SPATA6: variants seen among roughly 807,000 people sequenced by gnomAD.
SPATA6 encodes spermatogenesis-associated protein 6.
In SPATA6, 56 loss-of-function variants were observed where a neutral mutation model predicts 65.3. That is an observed-to-expected ratio of 0.86 (90% CI 0.69 to 1.07). The LOEUF (loss-of-function observed/expected upper bound fraction) is 1.07. Ranked by LOEUF, SPATA6 falls within the 50% of genes least tolerant of loss-of-function variation. SPATA6 has a pLI of 0.00. For synonymous variants in SPATA6, 199 were observed against 213.2 expected (o/e 0.93, Z 0.58); for missense variants, 590 against 594.8 (o/e 0.99, Z 0.08).
At chr1:48,445,392 G>A (rs948120308) in intron 3 of SPATA6, among the ~76,000 whole-genome samples, 10 of 152,126 alleles carry the variant, frequency 6.6e-5, no homozygotes, top group Admixed American at 3.3e-4. Context: ...GGCTGGGCGT[G>A]GTGGCTCACG....
chr1:48,317,439 A>C (rs1645467703), intron 11 of SPATA6, among the ~76,000 whole-genome samples: 1 of 151,578 alleles, frequency 6.6e-6, no homozygotes. Context: ...AAAAAACCAA[A>C]CACCGCATGT....
At chr1:48,401,493 C>T (rs1421980667) in intron 6 of SPATA6, among the ~76,000 whole-genome samples, 1 of 152,048 alleles carries the variant, frequency 6.6e-6, no homozygotes, top group Non-Finnish European at 1.5e-5. Context: ...ATAAAATGGA[C>T]TGACCATGTG....
In SPATA6 at chr1:48,332,701, G is replaced by A. The variant is rs191053386; in HGVS notation, c.1194+22969C>T. Among the ~76,000 whole-genome samples, 3 of 152,256 alleles carry A rather than the reference G, an allele frequency of 2.0e-5. No individual in the cohort carries two copies. In the East Asian group the frequency reaches 5.8e-4, roughly 29 times the overall value. ...AAATTAACGAAGAGATGCAGGACCTGAACTCAACACTTGACGAAATGGAGC... is the reference window on the plus strand; with the variant it reads ...AAATTAACGAAGAGATGCAGGACCTAAACTCAACACTTGACGAAATGGAGC... On this transcript the variant is annotated intron_variant, in intron 11 of 12. Coordinates refer to ENST00000371847, the MANE Select transcript of SPATA6 (RefSeq NM_019073.4).
intron 3 of SPATA6, among the ~76,000 whole-genome samples, chr1:48,420,866 T>C (rs1312653058): frequency 5.3e-5 from 8 of 152,288 alleles, no homozygotes; most frequent in South Asian, 4.1e-4. Flanking sequence ...TGAAAAAGAA[T>C]GAAATCTTAT....
rs1479339654 is a variant in SPATA6, at chr1:48,435,996, AAG to A, written c.238+15554_238+15555del. 4 of 1,606,970 alleles carry A rather than the reference AAG, an allele frequency of 2.5e-6. No individual in the cohort carries two copies. In the African/African-American group the frequency reaches 4.0e-5, roughly 16 times the overall value. On this transcript the variant is annotated intron_variant, in intron 3 of 12. Transcript: ENST00000371847. ...CTCTTTTGGATTGCTTCTGCACTTCAAGAACACAAGATGAATCACTCAGACCT... is the reference window on the plus strand; with the variant it reads ...CTCTTTTGGATTGCTTCTGCACTTCAAACACAAGATGAATCACTCAGACCT...
chr1:48,390,588 G>A (rs1317288019), intron 8 of SPATA6, among the ~76,000 whole-genome samples: 2 of 152,106 alleles, frequency 1.3e-5, no homozygotes, highest in African/African-American at 4.8e-5. Flanking sequence ...ATAAAGAAAT[G>A]ACAAATACAC....
chr1:48,334,830 G>A (rs1199755689), intron 11 of SPATA6, among the ~76,000 whole-genome samples: 2 of 152,072 alleles, frequency 1.3e-5, no homozygotes, highest in African/African-American at 4.8e-5. Flanking sequence ...AATAAGAAAA[G>A]AAGTAGTAAA....
At chr1:48,369,408 T>C (rs961412263) in intron 9 of SPATA6, among the ~76,000 whole-genome samples, 3 of 152,226 alleles carry the variant, frequency 2.0e-5, no homozygotes, top group Non-Finnish European at 4.4e-5. Flanking sequence ...GCAGGCCTCC[T>C]TGAGCTGTGG....
intron 1 of SPATA6, among the ~76,000 whole-genome samples, chr1:48,468,288 C>T (rs1657966118): frequency 6.6e-6 from 1 of 152,138 alleles, no homozygotes; most frequent in Non-Finnish European, 1.5e-5. Flanking sequence ...ACATTGGAGC[C>T]ACATAGTATG....
chr1:48,327,003 A>T (rs914972874), intron 11 of SPATA6, among the ~76,000 whole-genome samples: 6 of 152,138 alleles, frequency 3.9e-5, no homozygotes, highest in African/African-American at 9.6e-5. Context: ...ATAGACAAAT[A>T]GGACTTAAAC....
the SPATA6 span, among the ~76,000 whole-genome samples, chr1:48,288,936 A>G: frequency 2.6e-5 from 4 of 152,220 alleles, no homozygotes; most frequent in African/African-American, 9.6e-5. Context: ...ATAGCCTAAC[A>G]AAAGGCAGCA....
intron 11 of SPATA6, among the ~76,000 whole-genome samples, chr1:48,308,411 G>T (rs921111406): frequency 2.0e-5 from 3 of 151,890 alleles, no homozygotes; most frequent in Non-Finnish European, 4.4e-5. Flanking sequence ...TATATACTAT[G>T]TTCCTACCAA....
At chr1:48,418,815 A>AGGAGGGAG (rs1219684465) in intron 3 of SPATA6, among the ~76,000 whole-genome samples, 1 of 98,408 alleles carries the variant, frequency 1.0e-5, no homozygotes, top group African/African-American at 3.0e-5. Context: ...GAAGGAGGGA[A>AGGAGGGAG]GGAGGGAGGG....
chr1:48,355,444 ATTGT>A (rs1320786921), intron 11 of SPATA6: 4 of 375,886 alleles, frequency 1.1e-5, no homozygotes, highest in African/African-American at 4.2e-5. Flanking sequence ...TATCACTAAC[ATTGT>A]TTATAGTTAA....
chr1:48,429,032 C>T (rs1399732121), intron 3 of SPATA6, among the ~76,000 whole-genome samples: 1 of 151,658 alleles, frequency 6.6e-6, no homozygotes, highest in African/African-American at 2.4e-5. Context: ...AATTTCAGCT[C>T]TTAGTACAAT....
chr1:48,290,517 G>A (rs1484149298), downstream of SPATA6, among the ~76,000 whole-genome samples: 9 of 152,096 alleles, frequency 5.9e-5, no homozygotes, highest in African/African-American at 2.2e-4. Flanking sequence ...AAATGTAAAT[G>A]GGCTAAATGC....
intron 4 of SPATA6, among the ~76,000 whole-genome samples, chr1:48,412,140 A>C (rs964274410): frequency 4.6e-5 from 7 of 152,170 alleles, no homozygotes; most frequent in African/African-American, 9.7e-5. Context: ...GATTACAAGC[A>C]TGAGCCACCG....
intron 3 of SPATA6, among the ~76,000 whole-genome samples, chr1:48,434,259 GA>G (rs530291772): frequency 0.12 from 13,254 of 110,016 alleles, 514 homozygotes; most frequent in East Asian, 0.24. Context: ...AGCAGTGAAA[GA>G]AAAAAAAAAA....
At chr1:48,433,203 C>A (rs1448224140) in intron 3 of SPATA6, among the ~76,000 whole-genome samples, 3 of 152,044 alleles carry the variant, frequency 2.0e-5, no homozygotes, top group African/African-American at 7.2e-5. Context: ...TATGGAGCTG[C>A]ATGGTGGTAA....
Sources: gnomAD v4.1 joint callset for allele counts (sites outside exome capture counted in the v4.1 genomes callset) on GRCh38, gnomAD v4.1.1 for gene constraint, MANE v1.5 for transcripts, NCBI Gene and HGNC (gene_info 2026-07-23, HGNC 2026-07-21) for gene names.